MLLT3: variants seen among roughly 807,000 people sequenced by gnomAD.
MLLT3 encodes the protein MLLT3 super elongation complex subunit, also known as protein AF-9.
MLLT3 carries 4 observed loss-of-function variants against 53.2 expected under a neutral mutation model. That is an observed-to-expected ratio of 0.08 (90% CI 0.04 to 0.17). MLLT3 has a LOEUF of 0.17. Among genes scored for constraint, MLLT3 ranks in the 10% least tolerant of loss-of-function variants. The pLI is 1.00. For synonymous variants in MLLT3, 283 were observed against 230.6 expected (o/e 1.23, Z -2.06); for missense variants, 569 against 684.0 (o/e 0.83, Z 1.87).
intron 2 of MLLT3, among the ~76,000 whole-genome samples, chr9:20,609,252 T>A (rs1177440820): frequency 6.6e-6 from 1 of 152,114 alleles, no homozygotes; most frequent in Non-Finnish European, 1.5e-5. Flanking sequence ...TACAGCATGT[T>A]ACAACTGAAG....
At chr9:20,412,346 C>A (rs1822749589) in intron 5 of MLLT3, among the ~76,000 whole-genome samples, 1 of 152,200 alleles carries the variant, frequency 6.6e-6, no homozygotes, top group African/African-American at 2.4e-5. Flanking sequence ...ATCTCCATTT[C>A]ATAAATTATG....
At chr9:20,449,810 CAT>C (rs763900583) in intron 3 of MLLT3, among the ~76,000 whole-genome samples, 1 of 152,156 alleles carries the variant, frequency 6.6e-6, no homozygotes, top group Non-Finnish European at 1.5e-5. Context: ...TGGTTTTCCT[CAT>C]AGTTTACTGG....
rs1310272420 is a variant in MLLT3, at chr9:20,344,888, A to C, written c.*1555T>G. On this transcript the variant is annotated 3_prime_UTR_variant, in exon 11 of 11. Transcript: ENST00000380338. The stretch of plus-strand genomic sequence containing the variant: ...ACAAGGGAGATACTGGTCTATTAGC[A>C]CACATAGAGACTTTCTTAAGGCTGA... 1 of 212,000 alleles carries C rather than the reference A, an allele frequency of 4.7e-6. No homozygotes were observed. The highest frequency in any genetic ancestry group is 9.5e-6 in the Non-Finnish European group (1 of 104,762). The allele number at this position is 212,000 out of a possible 1,614,324, so 13.1% of individuals were successfully genotyped here.
intron 7 of MLLT3, among the ~76,000 whole-genome samples, chr9:20,361,700 A>T (rs950371301): frequency 1.3e-5 from 2 of 152,138 alleles, no homozygotes; most frequent in African/African-American, 4.8e-5. Context: ...AGAAAATGGA[A>T]TTTTCTTTTA....
chr9:20,387,754 C>T (rs1294281130), intron 5 of MLLT3, among the ~76,000 whole-genome samples: 2 of 152,172 alleles, frequency 1.3e-5, no homozygotes, highest in African/African-American at 4.8e-5. Context: ...GATATGGCAA[C>T]ATCTTAGAAA....
At chr9:20,368,292 A>T (rs796859651) in intron 5 of MLLT3, among the ~76,000 whole-genome samples, 4 of 152,312 alleles carry the variant, frequency 2.6e-5, no homozygotes, top group African/African-American at 9.6e-5. Context: ...CATTTCTCCC[A>T]GGGTTTGCAG....
intron 2 of MLLT3, among the ~76,000 whole-genome samples, chr9:20,464,237 A>G (rs1824181025): frequency 1.3e-5 from 2 of 152,118 alleles, no homozygotes; most frequent in African/African-American, 4.8e-5. Flanking sequence ...TTTCATTAAT[A>G]TTAACGCATT....
chr9:20,441,363 T>C (rs549278626), intron 4 of MLLT3, among the ~76,000 whole-genome samples: 1 of 152,330 alleles, frequency 6.6e-6, no homozygotes, highest in East Asian at 1.9e-4. Flanking sequence ...AACTTTGTAC[T>C]GTCATGACCA....
intron 2 of MLLT3, among the ~76,000 whole-genome samples, chr9:20,579,770 G>C (rs919902421): frequency 6.6e-6 from 1 of 152,134 alleles, no homozygotes; most frequent in Non-Finnish European, 1.5e-5. Flanking sequence ...ACATATGAGA[G>C]GCTAGACAGG....
intron 4 of MLLT3, among the ~76,000 whole-genome samples, chr9:20,435,276 T>C (rs1823374358): frequency 6.6e-6 from 1 of 152,118 alleles, no homozygotes; most frequent in East Asian, 1.9e-4. Flanking sequence ...ACTCCTGGGC[T>C]CCAGCAATCC....
chr9:20,507,270 A>C (rs927947073), intron 2 of MLLT3, among the ~76,000 whole-genome samples: 2 of 152,164 alleles, frequency 1.3e-5, no homozygotes, highest in Admixed American at 1.3e-4. Context: ...AAATTCATAT[A>C]ATCTGTTAAT....
chr9:20,588,482 C>A (rs1373423413), intron 2 of MLLT3, among the ~76,000 whole-genome samples: 2 of 152,190 alleles, frequency 1.3e-5, no homozygotes, highest in South Asian at 2.1e-4. Context: ...GAGCATGGAA[C>A]GTTCTTCGAT....
chr9:20,505,919 C>T (rs1180004747), intron 2 of MLLT3, among the ~76,000 whole-genome samples: 10 of 152,152 alleles, frequency 6.6e-5, no homozygotes, highest in Admixed American at 2.0e-4. Flanking sequence ...GCTGTTGTTA[C>T]GTGAGCTAAA....
intron 2 of MLLT3, among the ~76,000 whole-genome samples, chr9:20,525,199 A>G (rs952281408): frequency 2.8e-4 from 42 of 151,876 alleles, no homozygotes; most frequent in Non-Finnish European, 2.9e-4. Flanking sequence ...TTCTACAAAC[A>G]GAAAGACAAA....
intron 5 of MLLT3, among the ~76,000 whole-genome samples, chr9:20,405,652 T>C (rs1411184700): frequency 6.6e-6 from 1 of 151,936 alleles, no homozygotes; most frequent in Non-Finnish European, 1.5e-5. Context: ...ATGGAGGGAG[T>C]AGAGTTCAAT....
At chr9:20,351,982 T>A (rs1821040771) in intron 10 of MLLT3, among the ~76,000 whole-genome samples, 1 of 152,130 alleles carries the variant, frequency 6.6e-6, no homozygotes, top group Non-Finnish European at 1.5e-5. Flanking sequence ...TGCCCTGGAG[T>A]GCCTTTATGC....
intron 2 of MLLT3, among the ~76,000 whole-genome samples, chr9:20,600,125 CA>C (rs753042376): frequency 8.7e-4 from 77 of 88,782 alleles, no homozygotes; most frequent in East Asian, 3.7e-3. Flanking sequence ...CAATGTTGTC[CA>C]AAAAAAAAAA....
At chr9:20,443,753 A>G (rs552392581) in intron 4 of MLLT3, among the ~76,000 whole-genome samples, 10 of 152,308 alleles carry the variant, frequency 6.6e-5, no homozygotes, top group African/African-American at 2.4e-4. Context: ...ACTGAGGGGA[A>G]AAGAACTAAG....
intron 2 of MLLT3, among the ~76,000 whole-genome samples, chr9:20,578,278 A>G (rs1819706143): frequency 6.6e-6 from 1 of 152,212 alleles, no homozygotes; most frequent in South Asian, 2.1e-4. Flanking sequence ...CTGGCACATA[A>G]GATGTATTAA....
Sources: gnomAD v4.1 joint callset for allele counts (sites outside exome capture counted in the v4.1 genomes callset) on GRCh38, gnomAD v4.1.1 for gene constraint, MANE v1.5 for transcripts, NCBI Gene and HGNC (gene_info 2026-07-23, HGNC 2026-07-21) for gene names.